MARK3: variants seen among roughly 807,000 people sequenced by gnomAD.
MARK3 encodes the protein microtubule affinity regulating kinase 3.
Under a neutral mutation model 90.1 loss-of-function variants are expected in MARK3, and 46 were observed. The observed-to-expected ratio is 0.51, with a 90% CI of 0.40 to 0.65. The LOEUF is 0.65. Ranked by LOEUF, MARK3 falls within the 30% of genes least tolerant of loss-of-function variation. The pLI is 0.00. For synonymous variants in MARK3, 321 were observed against 332.6 expected (o/e 0.97, Z 0.38); for missense variants, 818 against 947.2 (o/e 0.86, Z 1.79).
chr14:103,472,570 C>T (rs2141703857), intron 12 of MARK3, among the ~76,000 whole-genome samples: 1 of 150,848 alleles, frequency 6.6e-6, no homozygotes, highest in Non-Finnish European at 1.5e-5. Context: ...TGGCGTGAAC[C>T]TGGGAGGTGG....
intron 3 of MARK3, among the ~76,000 whole-genome samples, chr14:103,435,642 T>G (rs1447271265): frequency 6.6e-6 from 1 of 151,940 alleles, no homozygotes; most frequent in Non-Finnish European, 1.5e-5. Flanking sequence ...TCTCCTGACC[T>G]CATGATCTGC....
At chr14:103,481,389 T>G (rs1191989421) in intron 14 of MARK3, among the ~76,000 whole-genome samples, 1 of 152,208 alleles carries the variant, frequency 6.6e-6, no homozygotes, top group Non-Finnish European at 1.5e-5. Context: ...GGTGTGAGGT[T>G]CTGTTTCTTA....
chr14:103,483,722 A>G (rs1333683281), intron 14 of MARK3, among the ~76,000 whole-genome samples: 3 of 152,204 alleles, frequency 2.0e-5, no homozygotes, highest in Non-Finnish European at 4.4e-5. Context: ...AGGCCAGCCC[A>G]CTTTCTGCTG....
rs45577638 is a variant in MARK3 at position 103,457,242 on chromosome 14, A to G, written c.483+30A>G. 15,075 of 1,467,448 alleles carry G rather than the reference A, an allele frequency of 0.01. 87 individuals are homozygous for G. Among genetic ancestry groups the G allele is most frequent in the Non-Finnish European group, 0.012 (12,226 of 1,048,958 alleles). 90.9% of individuals were successfully genotyped at this position (1,467,448 alleles called of 1,614,324 possible). ...GAATTAATGTGTCTTTACTATGTCA[A>G]TTTGATAATTTATCTCACTTAAACC... On this transcript the variant is annotated intron_variant, in intron 6 of 17. Transcript: ENST00000429436.
Position 103,410,651 on chromosome 14 carries a change from A to G in MARK3, c.243+5384A>G, listed in dbSNP as rs112475436. Among the ~76,000 whole-genome samples the G allele has an allele frequency of 3.6e-3, 548 of 152,290 alleles. 5 individuals are homozygous for G. Among genetic ancestry groups the G allele is most frequent in the Middle Eastern group, 0.01 (3 of 294 alleles). The stretch of plus-strand genomic sequence containing the variant: ...CAGGAGTACAAGACTGCATTGTGCT[A>G]TGATTGTACCGCTGTACTCCAGCCG... On this transcript the variant is annotated intron_variant, in intron 2 of 17. Transcript: ENST00000429436.
intron 7 of MARK3, among the ~76,000 whole-genome samples, chr14:103,465,260 G>A (rs988568422): frequency 6.6e-6 from 1 of 152,140 alleles, no homozygotes. Flanking sequence ...GAGCCACCGT[G>A]CCCAGCCCCC....
chr14:103,406,160 T>A (rs1034966382), intron 2 of MARK3, among the ~76,000 whole-genome samples: 2 of 151,396 alleles, frequency 1.3e-5, no homozygotes, highest in Non-Finnish European at 2.9e-5. Flanking sequence ...CCTCCCAGAG[T>A]GTTGGGATTA....
intron 17 of MARK3, among the ~76,000 whole-genome samples, chr14:103,500,924 G>A (rs1174905568): frequency 1.3e-5 from 2 of 152,102 alleles, no homozygotes; most frequent in Non-Finnish European, 2.9e-5. Flanking sequence ...ACCCAGCCTT[G>A]CTTTTCCATT....
At chr14:103,397,395 C>T (rs952843005) in intron 1 of MARK3, among the ~76,000 whole-genome samples, 8 of 148,512 alleles carry the variant, frequency 5.4e-5, no homozygotes, top group African/African-American at 1.7e-4. Flanking sequence ...GGTGCGATCT[C>T]GGCTCACCGC....
At chr14:103,452,780 C>T (rs1331146216) in intron 5 of MARK3, among the ~76,000 whole-genome samples, 1 of 152,178 alleles carries the variant, frequency 6.6e-6, no homozygotes, top group Non-Finnish European at 1.5e-5. Context: ...CAGGATTTGT[C>T]TTTTTGTGTC....
intron 14 of MARK3, among the ~76,000 whole-genome samples, chr14:103,480,890 T>A (rs1356460252): frequency 2.0e-5 from 3 of 152,204 alleles, no homozygotes; most frequent in Non-Finnish European, 2.9e-5. Flanking sequence ...CAGGAGAATG[T>A]ACAGCACCAG....
At chr14:103,459,721 CCAGGCTGGTCT>C in intron 6 of MARK3, among the ~76,000 whole-genome samples, 1 of 151,268 alleles carries the variant, frequency 6.6e-6, no homozygotes, top group East Asian at 1.9e-4. Flanking sequence ...CCAGTGTTGG[CCAGGCTGGTCT>C]CAGACTCCTG....
chr14:103,487,915 G>A (rs924576359), intron 14 of MARK3, among the ~76,000 whole-genome samples: 1 of 152,092 alleles, frequency 6.6e-6, no homozygotes, highest in Non-Finnish European at 1.5e-5. Flanking sequence ...GGGCGTGGTG[G>A]TGGGTGCCTG....
chr14:103,449,768 TA>T (rs1595730989), intron 4 of MARK3, among the ~76,000 whole-genome samples: 1 of 152,200 alleles, frequency 6.6e-6, no homozygotes, highest in Non-Finnish European at 1.5e-5. Flanking sequence ...ATAGGGCTTT[TA>T]AAAAATTACA....
intron 5 of MARK3, among the ~76,000 whole-genome samples, chr14:103,454,024 C>G (rs1375376314): frequency 6.6e-6 from 1 of 152,200 alleles, no homozygotes; most frequent in Non-Finnish European, 1.5e-5. Flanking sequence ...ACAAAAACAT[C>G]TAAGAGTCAT....
rs1303100752 is a variant in MARK3, at chr14:103,389,492, C to CACTGCAG, written c.51+3413_51+3419dup. On this transcript the variant is annotated intron_variant, in intron 1 of 17. Coordinates refer to ENST00000429436, the MANE Select transcript of MARK3 (RefSeq NM_001128918.3). Reference sequence around the variant, plus strand: ...GCAGTGAGCCGATATCATGCCACTGCACTGCAGCCTGAGTGACAGAGTAAG... The same window carrying CACTGCAG: ...GCAGTGAGCCGATATCATGCCACTGCACTGCAGACTGCAGCCTGAGTGACAGAGTAAG... 2.8e-4 allele frequency among the ~76,000 whole-genome samples: 35 copies of CACTGCAG among 123,386 alleles called. 1 individual carries two copies. Among genetic ancestry groups the CACTGCAG allele is most frequent in the African/African-American group, 1.1e-3 (35 of 32,854 alleles). 80.9% of individuals were successfully genotyped at this position (123,386 alleles called of 152,430 possible). A position where few individuals can be genotyped will look rare whatever the true frequency, so the allele number is the denominator to read the frequency against.
At chr14:103,425,521 T>C (rs1447334085) in intron 2 of MARK3, among the ~76,000 whole-genome samples, 2 of 152,048 alleles carry the variant, frequency 1.3e-5, no homozygotes, top group African/African-American at 4.8e-5. Flanking sequence ...CCTCCCAAAG[T>C]GCTGGGATTA....
At chr14:103,400,851 A>G (rs1362281731) in intron 1 of MARK3, among the ~76,000 whole-genome samples, 1 of 148,818 alleles carries the variant, frequency 6.7e-6, no homozygotes, top group East Asian at 2.0e-4. Flanking sequence ...GGTATGATCG[A>G]TCACACTACT....
chr14:103,425,073 T>TG (rs1338256352), intron 2 of MARK3, among the ~76,000 whole-genome samples: 1 of 152,020 alleles, frequency 6.6e-6, no homozygotes, highest in Non-Finnish European at 1.5e-5. Context: ...CCCGAGTAGC[T>TG]GGGATTACAG....
Sources: allele counts gnomAD v4.1 joint callset (sites outside exome capture counted in the v4.1 genomes callset), GRCh38; gene constraint gnomAD v4.1.1; transcripts MANE v1.5; gene names NCBI Gene and HGNC (gene_info 2026-07-23, HGNC 2026-07-21).